Variants in CELF2 observed in about 807,000 individuals in gnomAD.
CELF2 encodes CUG triplet repeat RNA-binding protein 2.
CELF2 carries 8 observed loss-of-function variants against 62.6 expected under a neutral mutation model. That is an observed-to-expected ratio of 0.13 (90% confidence interval 0.07 to 0.23). The LOEUF is 0.23. Among genes scored for constraint, CELF2 ranks in the 10% least tolerant of loss-of-function variants. The pLI, the probability that CELF2 is intolerant of heterozygous loss-of-function variation, is 1.00. For synonymous variants in CELF2, 258 were observed against 250.0 expected (o/e 1.03, Z -0.30); for missense variants, 333 against 671.0 (o/e 0.50, Z 5.56).
chr10:10,685,369 C>T, the CELF2 span, among the ~76,000 whole-genome samples: 1 of 152,038 alleles, frequency 6.6e-6, no homozygotes, highest in Non-Finnish European at 1.5e-5. Flanking sequence ...CATTTAGCTG[C>T]CAAATGATGA....
chr10:10,916,565 G>A (rs978153503), intron 1 of CELF2, among the ~76,000 whole-genome samples: 1 of 152,112 alleles, frequency 6.6e-6, no homozygotes, highest in African/African-American at 2.4e-5. Context: ...GTTCTGCATT[G>A]TCTTTTGTGC....
In CELF2 at chr10:11,290,759, C is replaced by T. The variant is rs114227130; in HGVS notation, c.976+2207C>T. ...TTCTTGCCCTTCAGAACACGCCGCT[C>T]GCTTAGGTGTCACTGAGAGCGATTT... On this transcript the variant is annotated intron_variant, in intron 9 of 12. Coordinates refer to ENST00000633077, the MANE Select transcript of CELF2 (RefSeq NM_001326342.2). The surrounding 1 kb of genome is among the most constrained non-coding windows in gnomAD (Gnocchi z 4.3). 0.023 allele frequency among the ~76,000 whole-genome samples: 3,483 copies of T among 152,248 alleles called. 134 individuals carry two copies. The highest frequency in any genetic ancestry group is 0.079 in the African/African-American group (3,274 of 41,532).
At chr10:10,549,893 G>A in the CELF2 span, among the ~76,000 whole-genome samples, 2 of 152,308 alleles carry the variant, frequency 1.3e-5, no homozygotes, top group African/African-American at 4.8e-5. Flanking sequence ...TTTGCATGCA[G>A]AAGAGTTACT....
Position 11,246,422 on chromosome 10 carries a change from G to T in CELF2, c.355-2731G>T, listed in dbSNP as rs1324648136. On this transcript the variant is annotated intron_variant, in intron 3 of 12. Transcript: ENST00000633077. This position sits in a 1 kb window ranked among gnomAD's most constrained non-coding sequence, Gnocchi z 4.6. ...GCTTCCTGTTGAACTCCCTTTGCAG[G>T]TGACCTCAAAATAGAAGAAGCCCTC... Among the ~76,000 whole-genome samples the T allele has an allele frequency of 6.6e-6, 1 of 152,056 alleles. No homozygotes were observed. The highest frequency in any genetic ancestry group is 2.4e-5 in the African/African-American group (1 of 41,386).
At chr10:11,006,886 C>T (rs965520131) in intron 1 of CELF2, among the ~76,000 whole-genome samples, 1 of 152,112 alleles carries the variant, frequency 6.6e-6, no homozygotes, top group East Asian at 1.9e-4. Flanking sequence ...ACAAGATAAG[C>T]GTTGGTTTCT....
At chr10:10,534,449 C>A in the CELF2 span, among the ~76,000 whole-genome samples, 1 of 152,038 alleles carries the variant, frequency 6.6e-6, no homozygotes, top group Non-Finnish European at 1.5e-5. Flanking sequence ...TTCCGAGGAA[C>A]CTAGGAGGAA....
chr10:10,951,863 A>G (rs201071), intron 2 of CELF2: 26,524 of 152,438 alleles, frequency 0.17, 4,068 homozygotes, highest in African/African-American at 0.39. Context: ...AGCTGGCACA[A>G]GAGGGGAAGA....
At chr10:11,074,026 G>T (rs1307321903) in intron 1 of CELF2, among the ~76,000 whole-genome samples, 2 of 152,130 alleles carry the variant, frequency 1.3e-5, no homozygotes, top group African/African-American at 4.8e-5. Flanking sequence ...AGCCCTCGAG[G>T]GTCTGTAGTT....
intron 1 of CELF2, among the ~76,000 whole-genome samples, chr10:10,904,237 T>TG (rs1170530565): frequency 6.9e-6 from 1 of 144,902 alleles, no homozygotes; most frequent in African/African-American, 2.5e-5. Context: ...AATTTTTTTT[T>TG]TTGTTTAGAG....
chr10:10,541,005 G>A, the CELF2 span, among the ~76,000 whole-genome samples: 1 of 152,006 alleles, frequency 6.6e-6, no homozygotes, highest in Non-Finnish European at 1.5e-5. Context: ...CAGCCTGGGC[G>A]ACAAGGTGGG....
chr10:10,559,516 A>G, the CELF2 span, among the ~76,000 whole-genome samples: 5 of 152,196 alleles, frequency 3.3e-5, no homozygotes, highest in East Asian at 7.7e-4. Context: ...TCATGTATGT[A>G]TGGGCACAGG....
At chr10:10,578,372 C>G in the CELF2 span, among the ~76,000 whole-genome samples, 3 of 152,064 alleles carry the variant, frequency 2.0e-5, no homozygotes, top group Non-Finnish European at 4.4e-5. Flanking sequence ...TTAATTAGAT[C>G]CTGTTTGTCA....
the CELF2 span, among the ~76,000 whole-genome samples, chr10:10,480,010 C>T: frequency 6.6e-6 from 1 of 152,164 alleles, no homozygotes; most frequent in Admixed American, 6.5e-5. Context: ...GGAGATTTAG[C>T]CTGGCTCCCA....
chr10:10,871,510 C>T (rs2060745369), intron 1 of CELF2, among the ~76,000 whole-genome samples: 1 of 151,866 alleles, frequency 6.6e-6, no homozygotes, highest in Admixed American at 6.6e-5. Context: ...AGAAACCTAG[C>T]GGGAATGGCT....
intron 1 of CELF2, among the ~76,000 whole-genome samples, chr10:10,818,280 C>T (rs2056657224): frequency 6.6e-6 from 1 of 152,154 alleles, no homozygotes; most frequent in African/African-American, 2.4e-5. Flanking sequence ...GCTCTGTGGC[C>T]AGCATGAGTG....
chr10:10,593,483 TCTTG>T, the CELF2 span, among the ~76,000 whole-genome samples: 1 of 152,210 alleles, frequency 6.6e-6, no homozygotes, highest in African/African-American at 2.4e-5. Flanking sequence ...TCAAGTCTTT[TCTTG>T]CTTTGTACTT....
At chr10:10,881,020 C>G (rs942111534) in intron 1 of CELF2, among the ~76,000 whole-genome samples, 6 of 152,116 alleles carry the variant, frequency 3.9e-5, no homozygotes, top group African/African-American at 1.4e-4. Context: ...ACATGGAATT[C>G]CAGACCCCGG....
At chr10:11,035,226 C>G (rs901572860) in intron 1 of CELF2, among the ~76,000 whole-genome samples, 17 of 152,180 alleles carry the variant, frequency 1.1e-4, no homozygotes, top group African/African-American at 4.1e-4. Flanking sequence ...TAACCTTTCT[C>G]CAAGCCGTCT....
chr10:11,170,280 T>G (rs2068446975), intron 2 of CELF2, among the ~76,000 whole-genome samples: 1 of 152,210 alleles, frequency 6.6e-6, no homozygotes, highest in Non-Finnish European at 1.5e-5. Context: ...ACACAAAGTT[T>G]CAGAAATAGG....
Sources: gnomAD v4.1 joint callset for allele counts (sites outside exome capture counted in the v4.1 genomes callset) on GRCh38, gnomAD v4.1.1 for gene constraint, Gnocchi (gnomAD v3.1) non-coding constraint, MANE v1.5 for transcripts, NCBI Gene and HGNC (gene_info 2026-07-23, HGNC 2026-07-21) for gene names.